Variants in VSTM1 observed in about 807,000 individuals in gnomAD.
VSTM1 encodes the protein V-set and transmembrane domain-containing protein 1.
Under a neutral mutation model 33.1 loss-of-function variants are expected in VSTM1, and 27 were observed. The observed-to-expected ratio is 0.82, with a 90% CI of 0.60 to 1.12. The LOEUF is 1.12. Among genes scored for constraint, VSTM1 ranks in the 50% most tolerant of loss-of-function variants. The probability of loss-of-function intolerance (pLI) is 0.00; values close to 1 mark genes in which losing one functional copy is unlikely to be tolerated. For missense variants in VSTM1, 304 were observed against 288.9 expected (o/e 1.05, Z -0.38); for synonymous variants, 115 against 110.3 (o/e 1.04, Z -0.27).
At chr19:54,049,731 T>C (rs1354753616) in intron 4 of VSTM1, among the ~76,000 whole-genome samples, 4 of 152,170 alleles carry the variant, frequency 2.6e-5, no homozygotes, top group South Asian at 2.1e-4. Context: ...CCTACTATCA[T>C]GGAATAAAAA....
In VSTM1 at chr19:54,041,950, G is replaced by C; in HGVS notation, c.519C>G (p.Thr173=). The change falls in exon 7 of 9, where the codon ACC becomes ACG. Residue 173 remains threonine, a synonymous_variant. Transcript: ENST00000338372. ...CCTGCTCCGGAAGTTTGGAATGGCT[G>C]GTTCTGAAAGAGAGAGACACACGTG... ...SSSSEESTKR[T]SHSKLPEQEA... The C allele has an allele frequency of 6.2e-7, 1 of 1,614,148 alleles. No individual in the cohort carries two copies. Among genetic ancestry groups the C allele is most frequent in the Non-Finnish European group, 8.5e-7 (1 of 1,180,038 alleles).
At chr19:54,057,702 G>A (rs549312941) in intron 3 of VSTM1, among the ~76,000 whole-genome samples, 192 of 151,780 alleles carry the variant, frequency 1.3e-3, no homozygotes, top group African/African-American at 4.1e-3. Context: ...CCAGCTACTC[G>A]GGAGGCTGAG....
At chr19:54,063,195 G>A (rs1253555009) in intron 1 of VSTM1, among the ~76,000 whole-genome samples, 1 of 151,878 alleles carries the variant, frequency 6.6e-6, no homozygotes, top group Non-Finnish European at 1.5e-5. Flanking sequence ...AAAGTCAGCC[G>A]GGTGTGGTGG....
chr19:54,061,207 G>A (rs996208824), intron 1 of VSTM1, among the ~76,000 whole-genome samples: 11 of 151,558 alleles, frequency 7.3e-5, no homozygotes, highest in African/African-American at 2.2e-4. Context: ...TAGTAGAGAC[G>A]GGGTTTCACC....
rs181337377 is a variant in VSTM1, at chr19:54,058,188, C to T, written c.355+118G>A. 3.1e-4 allele frequency: 346 copies of T among 1,125,360 alleles called. 4 individuals are homozygous for T. The East Asian group carries it at 4.5e-3, about 15-fold the overall frequency. 69.7% of individuals were successfully genotyped at this position (1,125,360 alleles called of 1,614,324 possible). A position where few individuals can be genotyped will look rare whatever the true frequency, so the allele number is the denominator to read the frequency against. On this transcript the variant is annotated intron_variant, in intron 3 of 8. Coordinates refer to ENST00000338372, the MANE Select transcript of VSTM1 (RefSeq NM_198481.4). Reference sequence around the variant, plus strand: ...CCAGGAGGCAGAAGTTGCAGTGAGCCGAGATCGTGCCACTGCACTCCAGCC... The same window carrying T: ...CCAGGAGGCAGAAGTTGCAGTGAGCTGAGATCGTGCCACTGCACTCCAGCC...
chr19:54,062,721 C>A (rs370696060), intron 1 of VSTM1, among the ~76,000 whole-genome samples: 143 of 135,308 alleles, frequency 1.1e-3, no homozygotes, highest in Non-Finnish European at 1.0e-3. Flanking sequence ...AAGACTCTGT[C>A]AAAAAAAAAA....
chr19:54,063,755 A>G lies in VSTM1; in HGVS notation c.23T>C (p.Leu8Pro). The G allele has an allele frequency of 6.2e-7, 1 of 1,613,924 alleles. No homozygotes were observed. Among genetic ancestry groups the G allele is most frequent in the South Asian group, 1.1e-5 (1 of 91,004 alleles). ...TCCTGGAGACTCACCGAGGCAAAGCAGGGAGAGGAATTCTGCGGTCATAGC... is the reference window on the plus strand; with the variant it reads ...TCCTGGAGACTCACCGAGGCAAAGCGGGGAGAGGAATTCTGCGGTCATAGC... MTAEFLS[L>P]LCLGLCLGYE... The change falls in exon 1 of 9, where the codon CTG (leucine) becomes CCG (proline). Residue 8 changes from leucine (L) to proline (P), a missense_variant. Physicochemically the swap from Leu to Pro is moderately conservative, Grantham distance 98 (BLOSUM62 -3). Coordinates refer to ENST00000338372, the MANE Select transcript of VSTM1 (RefSeq NM_198481.4).
intron 3 of VSTM1, among the ~76,000 whole-genome samples, chr19:54,052,464 C>T (rs2070903748): frequency 2.8e-5 from 4 of 141,872 alleles, no homozygotes; most frequent in African/African-American, 1.0e-4. Flanking sequence ...CCCTGGCAAC[C>T]ACCAGTTGCT....
At chr19:54,059,718 C>A (rs2146143181) in intron 1 of VSTM1, among the ~76,000 whole-genome samples, 1 of 152,226 alleles carries the variant, frequency 6.6e-6, no homozygotes, top group African/African-American at 2.4e-5. Context: ...AAGTGATCCA[C>A]CCGCCTCAGC....
chr19:54,042,371 T>C lies in VSTM1; in HGVS notation c.395-2A>G. 6.2e-7 allele frequency: 1 copy of C among 1,612,876 alleles called. No homozygotes were observed. Among genetic ancestry groups the C allele is most frequent in the South Asian group, 1.1e-5 (1 of 90,982 alleles). ...TGGCGACAAAGATGGTTCTGGTGTC[T>C]GGAGGGGGAAGAGCAGGTCAGGGAA... On this transcript the variant is annotated splice_acceptor_variant, in intron 4 of 8. Coordinates refer to ENST00000338372, the MANE Select transcript of VSTM1 (RefSeq NM_198481.4). LOFTEE classifies it high-confidence loss of function.
chr19:54,056,719 A>G (rs1284749771), intron 3 of VSTM1, among the ~76,000 whole-genome samples: 2 of 138,892 alleles, frequency 1.4e-5, no homozygotes, highest in South Asian at 2.4e-4. Flanking sequence ...CCATACCCCA[A>G]TTTTCTATTA....
intron 3 of VSTM1, among the ~76,000 whole-genome samples, chr19:54,056,847 ATCCT>A (rs1279220198): frequency 3.6e-5 from 5 of 137,096 alleles, no homozygotes; most frequent in Non-Finnish European, 4.8e-5. Flanking sequence ...TGTTGCATCT[ATCCT>A]TCTTCTTCTT....
intron 1 of VSTM1, among the ~76,000 whole-genome samples, chr19:54,059,616 GT>G (rs1181258086): frequency 6.6e-6 from 1 of 151,226 alleles, no homozygotes; most frequent in African/African-American, 2.4e-5. Flanking sequence ...GACTACAGGT[GT>G]GTGCCATCGT....
At chr19:54,054,438 A>G (rs1261149047) in intron 3 of VSTM1, among the ~76,000 whole-genome samples, 1 of 142,204 alleles carries the variant, frequency 7.0e-6, no homozygotes, top group Non-Finnish European at 1.6e-5. Context: ...TCAGAGGTGA[A>G]ACATTAAGTA....
chr19:54,052,514 G>A (rs1339413673), intron 3 of VSTM1, among the ~76,000 whole-genome samples: 1 of 142,674 alleles, frequency 7.0e-6, no homozygotes, highest in Non-Finnish European at 1.5e-5. Context: ...ATATGAGTGA[G>A]ATCCTGCAGA....
intron 1 of VSTM1, among the ~76,000 whole-genome samples, chr19:54,060,513 G>C (rs1242563959): frequency 6.6e-6 from 1 of 152,098 alleles, no homozygotes; most frequent in African/African-American, 2.4e-5. Context: ...CCTCACGATG[G>C]ACCGAAGCTG....
chr19:54,041,900 T>G lies in VSTM1; in HGVS notation c.553+16A>C, dbSNP rs371436884. 3.9e-4 allele frequency: 629 copies of G among 1,613,984 alleles called. No individual in the cohort carries two copies. The highest frequency in any genetic ancestry group is 5.2e-4 in the Non-Finnish European group (614 of 1,180,022). On this transcript the variant is annotated intron_variant, in intron 7 of 8. Transcript: ENST00000338372. ...TTTCTATCCGGTGATTCCCTTAAAC[T>G]TCCCCTGTCCCTTACCGGCAGCCTC...
intron 1 of VSTM1, among the ~76,000 whole-genome samples, chr19:54,059,833 G>A (rs1288647132): frequency 1.4e-5 from 2 of 146,712 alleles, no homozygotes; most frequent in African/African-American, 5.1e-5. Flanking sequence ...CGTGGAGTGA[G>A]AGTGGTGGGT....
Position 54,058,379 on chromosome 19 carries a change from G to C in VSTM1, c.282C>G (p.Tyr94Ter). The C allele has an allele frequency of 1.2e-6, 2 of 1,614,100 alleles. No individual in the cohort carries two copies. The highest frequency in any genetic ancestry group is 2.2e-5 in the East Asian group (1 of 44,878). ...TDLKPKDAGRYFCAYKTTASH... is the reference protein window; with the variant it reads ...TDLKPKDAGR Reference sequence around the variant, plus strand: ...AGGCTGTTGTCTTGTAGGCACAAAAGTACCTCCCAGCATCCTTAGGCTTCA... The same window carrying C: ...AGGCTGTTGTCTTGTAGGCACAAAACTACCTCCCAGCATCCTTAGGCTTCA... Residue 94 changes from tyrosine to a stop codon, truncating the protein, a stop_gained, in exon 3 of 9, where the codon TAC becomes TAG. Coordinates refer to ENST00000338372, the MANE Select transcript of VSTM1 (RefSeq NM_198481.4). LOFTEE classifies it high-confidence loss of function.
Sources: gnomAD v4.1 joint callset for allele counts (sites outside exome capture counted in the v4.1 genomes callset) on GRCh38, gnomAD v4.1.1 for gene constraint, MANE v1.5 for transcripts, NCBI Gene and HGNC (gene_info 2026-07-23, HGNC 2026-07-21) for gene names.